IAH1: variants seen among roughly 807,000 people sequenced by gnomAD.
IAH1 encodes isoamyl acetate hydrolyzing esterase 1 (putative).
A neutral mutation model predicts 26.7 loss-of-function variants in IAH1; 24 were observed. The ratio of observed to expected loss-of-function variants is 0.90; its 90% CI spans 0.65 to 1.26. The LOEUF (loss-of-function observed/expected upper bound fraction) is 1.26, where lower values mean the gene tolerates loss of function less well. Among genes scored for constraint, IAH1 ranks in the 50% most tolerant of loss-of-function variants. The pLI, the probability that IAH1 is intolerant of heterozygous loss-of-function variation, is 0.00. For synonymous variants in IAH1, 140 were observed against 118.5 expected (o/e 1.18, Z -1.18); for missense variants, 300 against 299.9 (o/e 1.00, Z 0.00).
downstream of IAH1, chr2:9,492,814 G>A (rs1286505810): frequency 8.0e-7 from 1 of 1,253,500 alleles, no homozygotes; most frequent in African/African-American, 1.5e-5. Context: ...CTAAGAACAA[G>A]TTTTACCTTT....
chr2:9,505,543 C>T, the IAH1 span: 1 of 624,542 alleles, frequency 1.6e-6, no homozygotes, highest in Non-Finnish European at 2.8e-6. Flanking sequence ...GAACTGGGAA[C>T]CTCCCTCCAT....
At chr2:9,502,379 G>T in the IAH1 span, 1 of 999,584 alleles carries the variant, frequency 1.0e-6, no homozygotes, top group Non-Finnish European at 1.5e-6. Context: ...CACCGGGGAA[G>T]ACCTCCTGGC....
downstream of IAH1, chr2:9,497,258 A>T (rs1194750781): frequency 6.2e-7 from 1 of 1,613,744 alleles, no homozygotes; most frequent in African/African-American, 1.3e-5. Flanking sequence ...CCTGGAAGCA[A>T]ACACCAGTCA....
At chr2:9,492,993 A>G, downstream of IAH1, 3 of 1,603,424 alleles carry the variant, frequency 1.9e-6, no homozygotes, top group Non-Finnish European at 2.6e-6. Flanking sequence ...TTTCCTGTGA[A>G]CAATTCCAAA....
Position 9,474,637 on chromosome 2 carries a change from C to G in IAH1, c.71C>G (p.Ser24Cys), listed in dbSNP as rs1339980697. The change falls in exon 1 of 6, where the codon TCC (serine) becomes TGC (cysteine). Residue 24 changes from serine (S) to cysteine (C), a missense_variant. Physicochemically the swap from Ser to Cys is moderately radical, Grantham distance 112. Coordinates refer to ENST00000497473, the MANE Select transcript of IAH1 (RefSeq NM_001039613.3). The surrounding 1 kb of genome is among the most constrained non-coding windows in gnomAD (Gnocchi z 4.3). Reference protein sequence around the residue: ...LWPRLLLFGDSITQFSFQQGG... With the variant: ...LWPRLLLFGDCITQFSFQQGG... ...CCTCGCTTGTTGCTCTTCGGGGACTCCATCACCCAGGTACGGCCGCCCCGA... is the reference window on the plus strand; with the variant it reads ...CCTCGCTTGTTGCTCTTCGGGGACTGCATCACCCAGGTACGGCCGCCCCGA... 1.9e-6 allele frequency: 3 copies of G among 1,551,814 alleles called. No individual in the cohort carries two copies. The highest frequency in any genetic ancestry group is 1.9e-5 in the Admixed American group (1 of 53,604).
chr2:9,504,994 G>A, the IAH1 span, among the ~76,000 whole-genome samples: 3 of 152,070 alleles, frequency 2.0e-5, no homozygotes, highest in Non-Finnish European at 2.9e-5. Context: ...GTGAGCCACC[G>A]TGCCAGGCCC....
chr2:9,481,136 A>G (rs1290451136), intron 3 of IAH1, 150 bp from the exon 4 acceptor site: 3 of 807,670 alleles, frequency 3.7e-6, no homozygotes, highest in East Asian at 2.5e-5. Context: ...ATTTTAATTC[A>G]TAAGGAGAAA....
downstream of IAH1, chr2:9,494,535 C>T: frequency 7.3e-7 from 1 of 1,364,588 alleles, no homozygotes; most frequent in Non-Finnish European, 1.0e-6. Context: ...AGGATGTAGC[C>T]CCACTTGTGT....
chr2:9,505,324 A>G, the IAH1 span: 2 of 1,614,038 alleles, frequency 1.2e-6, no homozygotes, highest in African/African-American at 2.7e-5. Flanking sequence ...CCTTACTTTC[A>G]ATGGTCTTAT....
At chr2:9,487,466 C>A (rs929481635) in intron 5 of IAH1, 4 of 152,104 alleles carry the variant, frequency 2.6e-5, no homozygotes, top group African/African-American at 9.7e-5. Context: ...GCCATATTTA[C>A]CTGTTAAGGT....
At chr2:9,499,205 C>G (rs1352295889), downstream of IAH1, among the ~76,000 whole-genome samples, 5 of 149,346 alleles carry the variant, frequency 3.3e-5, no homozygotes, top group Admixed American at 6.7e-5. Flanking sequence ...CTGCTATCTA[C>G]TATTTTGTAT....
rs61737635 is a variant in IAH1 at position 9,484,514 on chromosome 2, C to T, written c.528C>T (p.Asp176=). Residue 176 remains aspartate (D), a synonymous_variant, in exon 5 of 6, where the codon GAC becomes GAT. Coordinates refer to ENST00000497473, the MANE Select transcript of IAH1 (RefSeq NM_001039613.3). ...CLQVAQDCGT[D]VLDLWTLMQD... Reference sequence around the variant, plus strand: ...AAGTGGCCCAAGACTGTGGGACTGACGTACTTGACCTGTGGACCCTGATGC... The same window carrying T: ...AAGTGGCCCAAGACTGTGGGACTGATGTACTTGACCTGTGGACCCTGATGC... The T allele has an allele frequency of 0.019, 30,210 of 1,613,892 alleles. 338 individuals are homozygous for T. Among genetic ancestry groups the T allele is most frequent in the Middle Eastern group, 0.028 (170 of 6,062 alleles).
At chr2:9,505,379 A>C in the IAH1 span, 1 of 1,607,252 alleles carries the variant, frequency 6.2e-7, no homozygotes. Context: ...GAGAGAAAAA[A>C]GGCAATAAGG....
intron 6 of IAH1, among the ~76,000 whole-genome samples, chr2:9,495,195 C>A (rs1662480364): frequency 1.3e-5 from 2 of 152,234 alleles, no homozygotes; most frequent in Admixed American, 6.5e-5. Context: ...TGGGACACAA[C>A]TGTCCACCCT....
chr2:9,505,178 C>T, the IAH1 span: 1 of 1,614,228 alleles, frequency 6.2e-7, no homozygotes, highest in Admixed American at 1.7e-5. Context: ...GCACTGGACA[C>T]CTTCCTTCAA....
intron 5 of IAH1, chr2:9,485,433 C>T (rs1308613051): frequency 6.6e-6 from 1 of 152,454 alleles, no homozygotes; most frequent in East Asian, 1.9e-4. Flanking sequence ...GCAGGTGGAT[C>T]ACCTGAGTTC....
At chr2:9,502,748 G>A in the IAH1 span, among the ~76,000 whole-genome samples, 2 of 151,050 alleles carry the variant, frequency 1.3e-5, no homozygotes, top group Non-Finnish European at 2.9e-5. Flanking sequence ...GCGTGGTGGT[G>A]CGCTCCTGTA....
chr2:9,480,608 A>G lies in IAH1; in HGVS notation c.284-678A>G, dbSNP rs139508234. ...GTATCTTCATGAAAAGACCGGAAAGATATACATCCAAATGCCAACAGTGGT... is the reference window on the plus strand; with the variant it reads ...GTATCTTCATGAAAAGACCGGAAAGGTATACATCCAAATGCCAACAGTGGT... On this transcript the variant is annotated intron_variant, in intron 3 of 5. Transcript: ENST00000497473. Among the ~76,000 whole-genome samples the G allele has an allele frequency of 2.1e-3, 321 of 152,300 alleles. 2 individuals are homozygous for G. Among genetic ancestry groups the G allele is most frequent in the Non-Finnish European group, 3.7e-3 (250 of 68,014 alleles).
At chr2:9,507,163 T>C in the IAH1 span, 1 of 152,198 alleles carries the variant, frequency 6.6e-6, no homozygotes, top group Non-Finnish European at 1.5e-5. Context: ...TAAGCCCTTT[T>C]CATCAGTTAA....
Sources: allele counts gnomAD v4.1 joint callset (sites outside exome capture counted in the v4.1 genomes callset), GRCh38; gene constraint gnomAD v4.1.1; non-coding constraint Gnocchi (gnomAD v3.1); transcripts MANE v1.5; gene names NCBI Gene and HGNC (gene_info 2026-07-23, HGNC 2026-07-21).